Variants in GABRB3 observed in about 807,000 individuals in gnomAD.
GABRB3 encodes the protein gamma-aminobutyric acid type A receptor subunit beta3.
A neutral mutation model predicts 52.1 loss-of-function variants in GABRB3; 14 were observed. The observed-to-expected ratio is 0.27, with a 90% CI of 0.18 to 0.42. The LOEUF is 0.42. Among genes scored for constraint, GABRB3 ranks in the 10% least tolerant of loss-of-function variants. The pLI, the probability that GABRB3 is intolerant of heterozygous loss-of-function variation, is 1.00. For synonymous variants in GABRB3, 260 were observed against 232.3 expected (o/e 1.12, Z -1.08); for missense variants, 307 against 609.1 (o/e 0.50, Z 5.22).
intron 4 of GABRB3, among the ~76,000 whole-genome samples, chr15:26,603,138 T>C (rs192271771): frequency 2.5e-4 from 38 of 152,076 alleles, no homozygotes; most frequent in Admixed American, 9.8e-4. Flanking sequence ...TAAGCAACTA[T>C]TTACCAATAA....
At position 26,600,288 on chromosome 15, in the gene GABRB3, A is replaced by G. The variant is rs550425173; in HGVS notation, c.462-16874T>C. ...TAAACAGTCACATAATAGGATTTGC[A>G]GAAGTAGAAGAGAAAAAAAAGCCAG... On this transcript the variant is annotated intron_variant, in intron 4 of 8. Transcript: ENST00000311550. Among the ~76,000 whole-genome samples, 6 of 152,260 alleles carry G rather than the reference A, an allele frequency of 3.9e-5. No individual in the cohort carries two copies. In the South Asian group the frequency reaches 1.0e-3, roughly 26 times the overall value.
chr15:26,698,196 G>A (rs1261939052), intron 3 of GABRB3, among the ~76,000 whole-genome samples: 1 of 152,204 alleles, frequency 6.6e-6, no homozygotes, highest in Non-Finnish European at 1.5e-5. Context: ...CAGATGGATT[G>A]ACATGAATAA....
intron 4 of GABRB3, among the ~76,000 whole-genome samples, chr15:26,599,815 A>G (rs1464862510): frequency 1.3e-5 from 2 of 152,214 alleles, no homozygotes; most frequent in African/African-American, 4.8e-5. Flanking sequence ...ACCACAATGG[A>G]AGGACACAAG....
intron 3 of GABRB3, among the ~76,000 whole-genome samples, chr15:26,672,349 A>G (rs1356057089): frequency 6.6e-6 from 1 of 152,152 alleles, no homozygotes; most frequent in Non-Finnish European, 1.5e-5. Flanking sequence ...AGTCAGCGCC[A>G]CACCCAGACA....
intron 3 of GABRB3, among the ~76,000 whole-genome samples, chr15:26,639,592 C>T (rs1215656705): frequency 2.0e-5 from 3 of 152,154 alleles, no homozygotes; most frequent in Admixed American, 6.5e-5. Context: ...GGAACCAATC[C>T]TTCAAGGATA....
chr15:26,554,106 G>GTTTA, intron 8 of GABRB3, among the ~76,000 whole-genome samples: 1 of 65,384 alleles, frequency 1.5e-5, no homozygotes, highest in African/African-American at 7.3e-5. Flanking sequence ...TAAAGTGTGT[G>GTTTA]TATATATATA....
At chr15:26,611,442 A>G (rs1892067601) in intron 4 of GABRB3, among the ~76,000 whole-genome samples, 1 of 152,182 alleles carries the variant, frequency 6.6e-6, no homozygotes, top group Non-Finnish European at 1.5e-5. Flanking sequence ...TATTATTAAG[A>G]ATAAGAACTG....
At chr15:26,568,685 T>TG (rs56028544) in intron 6 of GABRB3, among the ~76,000 whole-genome samples, 1 of 80,190 alleles carries the variant, frequency 1.2e-5, no homozygotes, top group Non-Finnish European at 3.0e-5. Flanking sequence ...TTTTTTTTGG[T>TG]TTTGTATGTT....
intron 8 of GABRB3, among the ~76,000 whole-genome samples, chr15:26,551,337 C>T (rs189984774): frequency 1.4e-3 from 210 of 152,286 alleles, no homozygotes; most frequent in Non-Finnish European, 2.6e-3. Context: ...CCAGGGAGAG[C>T]GCCCTGCAAT....
chr15:26,752,371 C>A (rs539664263), intron 3 of GABRB3, among the ~76,000 whole-genome samples: 96 of 151,928 alleles, frequency 6.3e-4, no homozygotes, highest in African/African-American at 2.2e-3. Context: ...TCAAGAGATT[C>A]TCCTGCCTCA....
chr15:26,554,073 T>C (rs1197892827), intron 8 of GABRB3, among the ~76,000 whole-genome samples: 4 of 107,016 alleles, frequency 3.7e-5, no homozygotes, highest in African/African-American at 1.3e-4. Context: ...AAAGTGTGTA[T>C]ATATATAAAG....
chr15:26,583,924 GCCA>G (rs1206098818), intron 4 of GABRB3, among the ~76,000 whole-genome samples: 1 of 151,912 alleles, frequency 6.6e-6, no homozygotes, highest in Admixed American at 6.6e-5. Context: ...ACAGGCGCCT[GCCA>G]CCACGCCCAG....
chr15:26,773,006 C>T lies in GABRB3; in HGVS notation c.-44G>A, dbSNP rs1470587411. On this transcript the variant is annotated 5_prime_UTR_variant, in exon 1 of 9. Coordinates refer to ENST00000311550, the MANE Select transcript of GABRB3 (RefSeq NM_000814.6). ...CACGGGGGAGGGGGCGCCCCGCCGCCGTCGCGACCCGCAGCCGGGGCTGCT... is the reference window on the plus strand; with the variant it reads ...CACGGGGGAGGGGGCGCCCCGCCGCTGTCGCGACCCGCAGCCGGGGCTGCT... The T allele has an allele frequency of 1.1e-5, 14 of 1,308,912 alleles. No individual in the cohort carries two copies. The East Asian group carries it at 4.2e-4, about 39-fold the overall frequency. The allele number at this position is 1,308,912 out of a possible 1,614,324, so 81.1% of individuals were successfully genotyped here.
At chr15:26,571,109 T>G (rs776046912) in intron 6 of GABRB3, among the ~76,000 whole-genome samples, 2 of 152,206 alleles carry the variant, frequency 1.3e-5, no homozygotes, top group African/African-American at 2.4e-5. Flanking sequence ...TTTACTGAAG[T>G]AACTTCAATA....
intron 3 of GABRB3, among the ~76,000 whole-genome samples, chr15:26,710,565 A>G (rs1260461738): frequency 6.6e-6 from 1 of 152,194 alleles, no homozygotes; most frequent in Non-Finnish European, 1.5e-5. Flanking sequence ...TTGGGCAGAT[A>G]CTTAAGAAGC....
chr15:26,554,021 T>TTTTATATATATATATATATA (rs1555400756), intron 8 of GABRB3, among the ~76,000 whole-genome samples: 1,094 of 23,614 alleles, frequency 0.046, 105 homozygotes, highest in African/African-American at 0.19. Context: ...ACCTGACTAT[T>TTTTATATATATATATATATA]TATATATATA....
At chr15:26,718,661 C>A (rs538935056) in intron 3 of GABRB3, among the ~76,000 whole-genome samples, 19 of 152,156 alleles carry the variant, frequency 1.2e-4, no homozygotes, top group African/African-American at 4.3e-4. Flanking sequence ...TCCAGATAAT[C>A]CACCTTTCCT....
chr15:26,604,695 G>A lies in GABRB3; in HGVS notation c.461+16619C>T, dbSNP rs117375917. ...GCAGTCTCTTCAATGTATGGTCCTGGGAAAACTGGATAACCGGATGCAGAA... is the reference window on the plus strand; with the variant it reads ...GCAGTCTCTTCAATGTATGGTCCTGAGAAAACTGGATAACCGGATGCAGAA... On this transcript the variant is annotated intron_variant, in intron 4 of 8. Coordinates refer to ENST00000311550, the MANE Select transcript of GABRB3 (RefSeq NM_000814.6). 1.9e-3 allele frequency among the ~76,000 whole-genome samples: 295 copies of A among 151,920 alleles called. 6 individuals are homozygous for A. The East Asian group carries it at 0.036, about 19-fold the overall frequency.
chr15:26,578,238 T>C (rs1890663081), intron 6 of GABRB3, among the ~76,000 whole-genome samples: 1 of 152,240 alleles, frequency 6.6e-6, no homozygotes, highest in Non-Finnish European at 1.5e-5. Flanking sequence ...CACTGCAACT[T>C]ATGCCATTTC....
Sources: allele counts gnomAD v4.1 joint callset (sites outside exome capture counted in the v4.1 genomes callset), GRCh38; gene constraint gnomAD v4.1.1; transcripts MANE v1.5; gene names NCBI Gene and HGNC (gene_info 2026-07-23, HGNC 2026-07-21).